SH3KBP1: variants seen among roughly 807,000 people sequenced by gnomAD.
The protein encoded by SH3KBP1 is SH3 domain-containing kinase-binding protein 1.
In SH3KBP1, 8 loss-of-function variants were observed where a neutral mutation model predicts 50.1. The observed-to-expected ratio is 0.16, with a 90% CI of 0.09 to 0.29. The LOEUF is 0.29. Ranked by LOEUF, SH3KBP1 falls within the 10% of genes least tolerant of loss-of-function variation. SH3KBP1 has a pLI of 1.00. For synonymous variants in SH3KBP1, 227 were observed against 218.6 expected, an observed-to-expected ratio of 1.04 and a Z score of -0.34; for missense variants, 377 against 535.2, an observed-to-expected ratio of 0.70 and a Z score of 2.92.
At chrX:19,540,368 C>T (rs369784309) in intron 16 of SH3KBP1, among the ~76,000 whole-genome samples, 5 of 110,948 alleles carry the variant, frequency 4.5e-5, no homozygotes, top group Admixed American at 1.9e-4. Context: ...TTACTCAAAG[C>T]GAATTCCATG....
At chrX:19,773,856 GAAAAAAAAAAAAAAAAAAAA>G (rs59381892) in intron 2 of SH3KBP1, among the ~76,000 whole-genome samples, 2 of 14,924 alleles carry the variant, frequency 1.3e-4, no homozygotes, top group African/African-American at 7.0e-4. Context: ...ACTCCGGCTC[GAAAAAAAAAAAAAAAAAAAA>G]AAAAAAAAAA....
At chrX:19,789,626 T>C (rs1437719968) in intron 2 of SH3KBP1, among the ~76,000 whole-genome samples, 1 of 108,556 alleles carries the variant, frequency 9.2e-6, no homozygotes, top group African/African-American at 3.4e-5. Context: ...AGGACACCAG[T>C]CAGATTGGAT....
chrX:19,874,068 A>ATATATAT (rs1556423469), intron 1 of SH3KBP1, among the ~76,000 whole-genome samples: 1 of 57,035 alleles, frequency 1.8e-5, no homozygotes, highest in African/African-American at 1.6e-4. Context: ...AAAAAAAAAA[A>ATATATAT]ATATATATAT....
intron 2 of SH3KBP1, among the ~76,000 whole-genome samples, chrX:19,788,278 A>C (rs1313192235): frequency 2.9e-5 from 3 of 102,607 alleles, no homozygotes; most frequent in Non-Finnish European, 5.9e-5. Flanking sequence ...CCAAAAAAAA[A>C]AAAAAAACAA....
At chrX:19,666,776 A>G (rs1377559562) in intron 6 of SH3KBP1, among the ~76,000 whole-genome samples, 2 of 111,872 alleles carry the variant, frequency 1.8e-5, no homozygotes, top group African/African-American at 6.5e-5. Context: ...GCCACTGTAG[A>G]AAACAGTAGG....
At chrX:19,792,496 G>C (rs1005187594) in intron 2 of SH3KBP1, among the ~76,000 whole-genome samples, 6 of 110,985 alleles carry the variant, frequency 5.4e-5, no homozygotes, top group Admixed American at 2.9e-4. Flanking sequence ...TCCTTTGGCA[G>C]ACACAATGCT....
At chrX:19,814,363 C>A (rs2067295260) in intron 2 of SH3KBP1, among the ~76,000 whole-genome samples, 1 of 111,317 alleles carries the variant, frequency 9.0e-6, no homozygotes, top group Non-Finnish European at 1.9e-5. Context: ...GTTAAAACAT[C>A]TCTGGTCGCA....
intron 3 of SH3KBP1, among the ~76,000 whole-genome samples, chrX:19,708,056 C>A (rs1315939342): frequency 8.8e-6 from 1 of 113,087 alleles, no homozygotes; most frequent in Non-Finnish European, 1.9e-5. Flanking sequence ...TATTTTTTAG[C>A]ACTGCCTACA....
At chrX:19,547,560 T>C (rs1030084810) in intron 14 of SH3KBP1, among the ~76,000 whole-genome samples, 6 of 112,219 alleles carry the variant, frequency 5.3e-5, no homozygotes, top group African/African-American at 1.9e-4. Flanking sequence ...GAATAACGTT[T>C]CCCCCACCAC....
At chrX:19,873,292 A>ATG (rs1345109587) in intron 1 of SH3KBP1, among the ~76,000 whole-genome samples, 1 of 83,689 alleles carries the variant, frequency 1.2e-5, no homozygotes, top group African/African-American at 5.4e-5. Context: ...ATATATATGT[A>ATG]TATATATATA....
chrX:19,655,153 C>T (rs1449859261), intron 6 of SH3KBP1, among the ~76,000 whole-genome samples: 1 of 112,154 alleles, frequency 8.9e-6, no homozygotes, highest in African/African-American at 3.2e-5. Context: ...TAAGAGATAC[C>T]TGAGGTCAAA....
At chrX:19,887,186 C>T in intron 1 of SH3KBP1, 121 bp downstream of exon 1, 1 of 594,496 alleles carries the variant, frequency 1.7e-6, no homozygotes, top group Non-Finnish European at 2.2e-6. Flanking sequence ...AGGGCGCCCA[C>T]CGCGGTGTCC....
At chrX:19,586,892 T>G (rs1188986228) in intron 12 of SH3KBP1, among the ~76,000 whole-genome samples, 1 of 111,944 alleles carries the variant, frequency 8.9e-6, no homozygotes, top group African/African-American at 3.3e-5. Context: ...AGATGAATGT[T>G]GAAGACATCA....
intron 6 of SH3KBP1, among the ~76,000 whole-genome samples, chrX:19,657,196 G>A (rs1444412708): frequency 1.8e-5 from 2 of 109,849 alleles, no homozygotes; most frequent in African/African-American, 3.3e-5. Context: ...GGGCAACACA[G>A]TAAGACCTTA....
intron 9 of SH3KBP1, among the ~76,000 whole-genome samples, chrX:19,595,354 G>A (rs940658556): frequency 1.8e-5 from 2 of 112,489 alleles, no homozygotes; most frequent in Non-Finnish European, 3.8e-5. Context: ...TTAATCTGCT[G>A]AATAACCATG....
intron 1 of SH3KBP1, among the ~76,000 whole-genome samples, chrX:19,838,170 C>A (rs1396217829): frequency 8.9e-6 from 1 of 112,176 alleles, no homozygotes; most frequent in East Asian, 2.8e-4. Context: ...ATTACAATGT[C>A]TATTCATTTT....
At chrX:19,674,659 G>T (rs2062883740) in intron 6 of SH3KBP1, among the ~76,000 whole-genome samples, 1 of 112,316 alleles carries the variant, frequency 8.9e-6, no homozygotes, top group Non-Finnish European at 1.9e-5. Flanking sequence ...ACACAGACAA[G>T]GTCCCAAATT....
intron 2 of SH3KBP1, among the ~76,000 whole-genome samples, chrX:19,831,303 G>A (rs764900280): frequency 5.5e-4 from 59 of 107,808 alleles, no homozygotes; most frequent in Non-Finnish European, 1.0e-3. Context: ...TATAGTCCCA[G>A]CTAGTCAGGA....
intron 3 of SH3KBP1, among the ~76,000 whole-genome samples, chrX:19,734,282 C>G (rs2064469841): frequency 8.9e-6 from 1 of 111,748 alleles, no homozygotes; most frequent in Non-Finnish European, 1.9e-5. Flanking sequence ...ATTTGGGTCA[C>G]CCTTAGCAAA....
Sources: allele counts gnomAD v4.1 joint callset (sites outside exome capture counted in the v4.1 genomes callset), GRCh38; gene constraint gnomAD v4.1.1; transcripts MANE v1.5; gene names NCBI Gene and HGNC (gene_info 2026-07-23, HGNC 2026-07-21).